The following SDK1 variants were observed in gnomAD, a reference collection of about 807,000 sequenced individuals.
The protein encoded by SDK1 is sidekick cell adhesion molecule 1, also known as protein sidekick-1.
SDK1 carries 157 observed loss-of-function variants against 245.5 expected under a neutral mutation model. That is an observed-to-expected ratio of 0.64 (90% CI 0.56 to 0.73). SDK1 has a LOEUF of 0.73. SDK1 is among the 30% of genes least tolerant of loss of function. The pLI, the probability that SDK1 is intolerant of heterozygous loss-of-function variation, is 0.00. For synonymous variants in SDK1, 1,647 were observed against 1,278.5 expected (o/e 1.29, Z -6.15); for missense variants, 3,583 against 3,002.3 (o/e 1.19, Z -4.52).
At chr7:4,252,618 T>C (rs895523094) in intron 44 of SDK1, among the ~76,000 whole-genome samples, 2 of 152,200 alleles carry the variant, frequency 1.3e-5, no homozygotes, top group Non-Finnish European at 2.9e-5. Flanking sequence ...TGTAGTTTAC[T>C]TGTCTTATTT....
chr7:3,838,709 G>T (rs534048408), intron 5 of SDK1, among the ~76,000 whole-genome samples: 3 of 152,284 alleles, frequency 2.0e-5, no homozygotes, highest in East Asian at 1.9e-4. Flanking sequence ...GCTCTCAACT[G>T]GGGCATCACC....
intron 1 of SDK1, among the ~76,000 whole-genome samples, chr7:3,472,744 G>A (rs1283799771): frequency 6.6e-6 from 1 of 152,188 alleles, no homozygotes; most frequent in African/African-American, 2.4e-5. Flanking sequence ...TGAAGACACT[G>A]AGGCCAGTGA....
chr7:4,172,060 C>T (rs1017621319), intron 32 of SDK1, among the ~76,000 whole-genome samples: 2 of 152,180 alleles, frequency 1.3e-5, no homozygotes, highest in East Asian at 1.9e-4. Flanking sequence ...TTTGCAGGGC[C>T]TCTAAGACAC....
At chr7:3,352,766 C>T (rs1162357666) in intron 1 of SDK1, among the ~76,000 whole-genome samples, 7 of 150,936 alleles carry the variant, frequency 4.6e-5, no homozygotes, top group African/African-American at 1.7e-4. Context: ...TAGGGAAACC[C>T]TTTTTTTTTC....
chr7:3,599,490 C>G (rs1038356018), intron 1 of SDK1, among the ~76,000 whole-genome samples: 8 of 152,150 alleles, frequency 5.3e-5, no homozygotes, highest in Admixed American at 1.3e-4. Context: ...TTTAATTTGT[C>G]ATTTTTCTTT....
At chr7:3,585,535 C>T (rs1385584740) in intron 1 of SDK1, among the ~76,000 whole-genome samples, 1 of 152,076 alleles carries the variant, frequency 6.6e-6, no homozygotes, top group African/African-American at 2.4e-5. Flanking sequence ...AGTGGAGTGC[C>T]AGGGCACAAA....
intron 4 of SDK1, among the ~76,000 whole-genome samples, chr7:3,700,174 T>C (rs1181792595): frequency 6.6e-6 from 1 of 152,254 alleles, no homozygotes; most frequent in Non-Finnish European, 1.5e-5. Flanking sequence ...AATGTGTTTC[T>C]ATAATACCTA....
In SDK1 at chr7:4,139,549, GTATATGTATATA is replaced by G. The variant is rs1454883934; in HGVS notation, c.4229-6171_4229-6160del. 1.5e-4 allele frequency among the ~76,000 whole-genome samples: 8 copies of G among 55,008 alleles called. 1 individual carries two copies. Among genetic ancestry groups the G allele is most frequent in the African/African-American group, 2.3e-4 (4 of 17,562 alleles). 36.1% of individuals were successfully genotyped at this position (55,008 alleles called of 152,430 possible). A position where few individuals can be genotyped will look rare whatever the true frequency, so the allele number is the denominator to read the frequency against. ...TATGTGTGTGTGTATATATGTGTGT[GTATATGTATATA>G]TGTGTGTATATGTGTGTGTGTATGT... On this transcript the variant is annotated intron_variant, in intron 28 of 44. Coordinates refer to ENST00000404826, the MANE Select transcript of SDK1 (RefSeq NM_152744.4).
intron 32 of SDK1, among the ~76,000 whole-genome samples, chr7:4,168,582 C>A (rs768415261): frequency 1.3e-5 from 2 of 152,180 alleles, no homozygotes; most frequent in Non-Finnish European, 2.9e-5. Flanking sequence ...ATCCAGCCTT[C>A]GTCACGCCAC....
chr7:3,759,900 C>T (rs1439327322), intron 4 of SDK1, among the ~76,000 whole-genome samples: 1 of 152,110 alleles, frequency 6.6e-6, no homozygotes, highest in Non-Finnish European at 1.5e-5. Flanking sequence ...GGCTTTTCCC[C>T]ATTATTTTAA....
At chr7:4,255,914 C>CTTTT (rs34810935) in intron 44 of SDK1, among the ~76,000 whole-genome samples, 159 of 104,080 alleles carry the variant, frequency 1.5e-3, no homozygotes, top group South Asian at 4.4e-3. Context: ...TTTCCAAATA[C>CTTTT]TTTTTTTTTT....
intron 1 of SDK1, among the ~76,000 whole-genome samples, chr7:3,433,254 C>G (rs1200249001): frequency 6.6e-6 from 1 of 152,164 alleles, no homozygotes; most frequent in Non-Finnish European, 1.5e-5. Flanking sequence ...CAACCAGCTT[C>G]AAGTGAATGT....
intron 14 of SDK1, among the ~76,000 whole-genome samples, chr7:4,000,787 C>T (rs1034940569): frequency 6.6e-6 from 1 of 152,184 alleles, no homozygotes; most frequent in South Asian, 2.1e-4. Context: ...TCGGACTTTT[C>T]GGGGAGCATT....
At chr7:4,185,376 A>G (rs567906413) in intron 35 of SDK1, among the ~76,000 whole-genome samples, 7 of 152,222 alleles carry the variant, frequency 4.6e-5, no homozygotes, top group African/African-American at 1.4e-4. Context: ...GACACTCACT[A>G]TTCATGGATG....
At chr7:3,465,340 T>TAA (rs1780965151) in intron 1 of SDK1, among the ~76,000 whole-genome samples, 1 of 151,912 alleles carries the variant, frequency 6.6e-6, no homozygotes, top group African/African-American at 2.4e-5. Context: ...AAACTATGAG[T>TAA]AAAAAAATAC....
At chr7:3,318,891 A>T (rs908241949) in intron 1 of SDK1, among the ~76,000 whole-genome samples, 1 of 152,182 alleles carries the variant, frequency 6.6e-6, no homozygotes, top group African/African-American at 2.4e-5. Context: ...TCCTTTTGTG[A>T]TTGGGATTTC....
chr7:3,580,802 A>C (rs1468202047), intron 1 of SDK1, among the ~76,000 whole-genome samples: 2 of 151,988 alleles, frequency 1.3e-5, no homozygotes, highest in Admixed American at 6.6e-5. Context: ...CCCCATTTCC[A>C]CTAAAAATAC....
intron 43 of SDK1, among the ~76,000 whole-genome samples, chr7:4,243,982 C>A (rs1786681483): frequency 1.3e-5 from 2 of 152,176 alleles, no homozygotes; most frequent in South Asian, 4.1e-4. Flanking sequence ...AAAAGATTTA[C>A]CCAAATGTTT....
chr7:3,832,978 G>A (rs546525924), intron 5 of SDK1, among the ~76,000 whole-genome samples: 14 of 151,810 alleles, frequency 9.2e-5, no homozygotes, highest in Non-Finnish European at 5.9e-5. Flanking sequence ...TTTTTGAGAC[G>A]GATACCAAAG....
Sources: gnomAD v4.1 joint callset for allele counts (sites outside exome capture counted in the v4.1 genomes callset) on GRCh38, gnomAD v4.1.1 for gene constraint, MANE v1.5 for transcripts, NCBI Gene and HGNC (gene_info 2026-07-23, HGNC 2026-07-21) for gene names.